FAM240C: variants seen among roughly 807,000 people sequenced by gnomAD.
FAM240C encodes the protein family with sequence similarity 240 member C.
Under a neutral mutation model 10.0 loss-of-function variants are expected in FAM240C, and 14 were observed. That is an observed-to-expected ratio of 1.40 (90% CI 0.92 to 2.19). FAM240C has a LOEUF of 2.19. Among genes scored for constraint, FAM240C ranks in the 30% most tolerant of loss-of-function variants. The pLI is 0.00. For missense variants in FAM240C, 154 were observed against 122.3 expected (o/e 1.26, Z -1.22); for synonymous variants, 49 against 44.3 (o/e 1.11, Z -0.42).
Position 241,894,108 on chromosome 2 carries a change from G to T in FAM240C, c.*105C>A. 3.8e-6 allele frequency: 5 copies of T among 1,326,800 alleles called. No homozygotes were observed. The highest frequency in any genetic ancestry group is 5.1e-6 in the Non-Finnish European group (5 of 982,762). The allele number at this position is 1,326,800 out of a possible 1,614,324, so 82.2% of individuals were successfully genotyped here. A position where few individuals can be genotyped will look rare whatever the true frequency, so the allele number is the denominator to read the frequency against. ...TCAGCGAGGTGCGGGCCATTTCCAT[G>T]ATGAAGATCCTGTGAACTCTGGCGT... On this transcript the variant is annotated 3_prime_UTR_variant, in exon 3 of 3. Coordinates refer to ENST00000404031, the MANE Select transcript of FAM240C (RefSeq NM_001382368.1).
At chr2:241,901,134 C>T (rs763681316), upstream of FAM240C, among the ~76,000 whole-genome samples, 1 of 152,168 alleles carries the variant, frequency 6.6e-6, no homozygotes, top group Non-Finnish European at 1.5e-5. This position sits in a 1 kb window ranked among gnomAD's most constrained non-coding sequence, Gnocchi z 4.9. Context: ...GGATGACGCC[C>T]AGCACACGGG....
At chr2:241,897,094 T>C in intron 2 of FAM240C, 92 bp downstream of exon 2, 1 of 1,402,116 alleles carries the variant, frequency 7.1e-7, no homozygotes, top group Admixed American at 2.1e-5. Flanking sequence ...GCCAGGGCTG[T>C]GTCAGGGCAC....
chr2:241,896,131 G>C (rs1220382721), intron 2 of FAM240C, among the ~76,000 whole-genome samples: 1 of 152,144 alleles, frequency 6.6e-6, no homozygotes, highest in Non-Finnish European at 1.5e-5. Context: ...TCTTGCTCGG[G>C]GCCTGAGCAC....
upstream of FAM240C, among the ~76,000 whole-genome samples, chr2:241,900,787 C>T (rs570381803): frequency 6.6e-5 from 10 of 152,158 alleles, no homozygotes; most frequent in South Asian, 1.0e-3. This position sits in a 1 kb window ranked among gnomAD's most constrained non-coding sequence, Gnocchi z 4.5. Context: ...TTACTGCAGG[C>T]GAAATGTATA....
Position 241,893,989 on chromosome 2 carries a change from C to T in FAM240C, c.*224G>A. 1 of 437,018 alleles carries T rather than the reference C, an allele frequency of 2.3e-6. No individual in the cohort carries two copies. The highest frequency in any genetic ancestry group is 7.0e-5 in the South Asian group (1 of 14,250). 27.1% of individuals were successfully genotyped at this position (437,018 alleles called of 1,614,324 possible). Reference sequence around the variant, plus strand: ...GAAAATTTAGCACGAAACATTCAATCCAATTGACTTAGGTTTTATTGGGCA... The same window carrying T: ...GAAAATTTAGCACGAAACATTCAATTCAATTGACTTAGGTTTTATTGGGCA... On this transcript the variant is annotated 3_prime_UTR_variant, in exon 3 of 3. Coordinates refer to ENST00000404031, the MANE Select transcript of FAM240C (RefSeq NM_001382368.1).
rs118049133 is a variant in FAM240C at position 241,897,204 on chromosome 2, C to G, written c.143G>C (p.Arg48Pro). 7.7e-6 allele frequency: 12 copies of G among 1,549,690 alleles called. No individual in the cohort carries two copies. The highest frequency in any genetic ancestry group is 1.4e-5 in the African/African-American group (1 of 72,918). The change falls in exon 2 of 3, where the codon CGC becomes CCC. Residue 48 changes from arginine (R) to proline (P), a missense_variant. Coordinates refer to ENST00000404031, the MANE Select transcript of FAM240C (RefSeq NM_001382368.1). The stretch of plus-strand genomic sequence containing the variant: ...GACTCACTTGTTCAGAGCGCTTCTG[C>G]GAACCCTGATGTCCTCGTTCTGCAG... ...RHLQNEDIRV[R>P]RSALNKLRVG...
At position 241,896,694 on chromosome 2, in the gene FAM240C, GGTGTTGGGGTGTGGGTGTTGGGGGTGTGT is replaced by G. The variant is rs1257699699; in HGVS notation, c.161+463_161+491del. On this transcript the variant is annotated intron_variant, in intron 2 of 2. Coordinates refer to ENST00000404031, the MANE Select transcript of FAM240C (RefSeq NM_001382368.1). Reference sequence around the variant, plus strand: ...GTTGGGGTGTGGGTGAAGGGGTGTGGGTGTTGGGGTGTGGGTGTTGGGGGTGTGTGTGTTGGGGTGTGGGTGAAGGGGTG... The same window carrying G: ...GTTGGGGTGTGGGTGAAGGGGTGTGGGTGTTGGGGTGTGGGTGAAGGGGTG... 5.7e-4 allele frequency among the ~76,000 whole-genome samples: 8 copies of G among 13,946 alleles called. 2 individuals are homozygous for G. The highest frequency in any genetic ancestry group is 1.6e-3 in the Admixed American group (2 of 1,234). The allele number at this position is 13,946 out of a possible 152,430, so 9.1% of individuals were successfully genotyped here.
At chr2:241,896,438 G>A (rs1701805697) in intron 2 of FAM240C, among the ~76,000 whole-genome samples, 1 of 151,252 alleles carries the variant, frequency 6.6e-6, no homozygotes, top group Non-Finnish European at 1.5e-5. Context: ...ATTTCCTCCT[G>A]GAAAAGTTCC....
chr2:241,901,059 A>C (rs1701970932), upstream of FAM240C, among the ~76,000 whole-genome samples: 1 of 152,088 alleles, frequency 6.6e-6, no homozygotes. This position sits in a 1 kb window ranked among gnomAD's most constrained non-coding sequence, Gnocchi z 4.9. Flanking sequence ...AGCAGGAAGG[A>C]AGGCAGGCGA....
intron 1 of FAM240C, among the ~76,000 whole-genome samples, 196 bp from the exon 2 acceptor site, chr2:241,897,530 C>T (rs116424628): frequency 0.014 from 2,098 of 152,236 alleles, 61 homozygotes; most frequent in African/African-American, 0.049. Flanking sequence ...GGCTCCTAAA[C>T]GCTCTACCGG....
chr2:241,898,482 G>A (rs1701904472), intron 1 of FAM240C, among the ~76,000 whole-genome samples: 1 of 152,200 alleles, frequency 6.6e-6, no homozygotes. Flanking sequence ...AACCCGGGAG[G>A]TGGAGGTTGC....
At chr2:241,899,086 C>T (rs937251792) in intron 1 of FAM240C, 6 of 1,292,230 alleles carry the variant, frequency 4.6e-6, no homozygotes, top group South Asian at 2.5e-5. Context: ...AGCTGAGACC[C>T]GCGGGCTCGT....
intron 1 of FAM240C, among the ~76,000 whole-genome samples, chr2:241,898,931 C>T (rs1177674358): frequency 1.3e-5 from 2 of 152,246 alleles, no homozygotes; most frequent in Admixed American, 6.5e-5. Context: ...TTCTGCAGCC[C>T]TGGCTGGCTC....
chr2:241,901,665 G>A (rs113419434), upstream of FAM240C, among the ~76,000 whole-genome samples: 1 of 152,202 alleles, frequency 6.6e-6, no homozygotes, highest in Non-Finnish European at 1.5e-5. The surrounding 1 kb of genome is among the most constrained non-coding windows in gnomAD (Gnocchi z 4.9). Flanking sequence ...ACGGTGCTCA[G>A]GCAGCGCGGG....
intron 2 of FAM240C, among the ~76,000 whole-genome samples, chr2:241,895,302 C>T (rs538788988): frequency 2.0e-5 from 3 of 152,384 alleles, no homozygotes; most frequent in South Asian, 4.1e-4. Context: ...CACGGTCCCA[C>T]AGACTTGGCG....
chr2:241,901,642 A>T (rs186406461), upstream of FAM240C, among the ~76,000 whole-genome samples: 235 of 152,336 alleles, frequency 1.5e-3, no homozygotes, highest in African/African-American at 5.5e-3. The surrounding 1 kb of genome is among the most constrained non-coding windows in gnomAD (Gnocchi z 4.9). Context: ...CACAGAATGC[A>T]CAAGGTGGAA....
At chr2:241,894,749 C>T (rs1701751153) in intron 2 of FAM240C, among the ~76,000 whole-genome samples, 1 of 152,158 alleles carries the variant, frequency 6.6e-6, no homozygotes, top group Non-Finnish European at 1.5e-5. Context: ...GGCAGGTGCC[C>T]TCGCAGGACA....
intron 1 of FAM240C, 89 bp from the exon 2 acceptor site, chr2:241,897,423 C>G: frequency 1.4e-6 from 2 of 1,434,564 alleles, no homozygotes; most frequent in Admixed American, 2.1e-5. Flanking sequence ...GGCAGAGGAG[C>G]TGGCTCAGCC....
Position 241,900,108 on chromosome 2 carries a change from A to G in FAM240C, c.12+250T>C, listed in dbSNP as rs957173596. Among the ~76,000 whole-genome samples, 1 of 152,092 alleles carries G rather than the reference A, an allele frequency of 6.6e-6. No homozygotes were observed. The highest frequency in any genetic ancestry group is 1.5e-5 in the Non-Finnish European group (1 of 68,008). The stretch of plus-strand genomic sequence containing the variant: ...GCAACAAAACAAAACAACAATGACA[A>G]CAACAGACACACAAAGGGGTGCGTG... On this transcript the variant is annotated intron_variant, in intron 1 of 2. Transcript: ENST00000404031. This position sits in a 1 kb window ranked among gnomAD's most constrained non-coding sequence, Gnocchi z 4.5.
Sources: allele counts gnomAD v4.1 joint callset (sites outside exome capture counted in the v4.1 genomes callset), GRCh38; gene constraint gnomAD v4.1.1; non-coding constraint Gnocchi (gnomAD v3.1); transcripts MANE v1.5; gene names NCBI Gene and HGNC (gene_info 2026-07-23, HGNC 2026-07-21).